SMC1B: variants seen among roughly 807,000 people sequenced by gnomAD.
The protein encoded by SMC1B is structural maintenance of chromosomes protein 1B.
Under a neutral mutation model 157.9 loss-of-function variants are expected in SMC1B, and 60 were observed. That is an observed-to-expected ratio of 0.38 (90% CI 0.31 to 0.47). The LOEUF is 0.47. Among genes scored for constraint, SMC1B ranks in the 20% least tolerant of loss-of-function variants. The probability of loss-of-function intolerance (pLI) is 0.99; values close to 1 mark genes in which losing one functional copy is unlikely to be tolerated. For synonymous variants in SMC1B, 445 were observed against 483.0 expected (o/e 0.92, Z 1.03); for missense variants, 1,165 against 1,426.2 (o/e 0.82, Z 2.95).
chr22:45,349,973 T>C lies in SMC1B; in HGVS notation c.3426-176A>G, dbSNP rs142108566. 3.9e-3 allele frequency among the ~76,000 whole-genome samples: 600 copies of C among 152,360 alleles called. 3 individuals are homozygous for C. Among genetic ancestry groups the C allele is most frequent in the Middle Eastern group, 0.014 (4 of 294 alleles). On this transcript the variant is annotated intron_variant, in intron 22 of 24. Transcript: ENST00000357450. ...GCTCAGTTATCAGTCCACATGTATG[T>C]GACCTATGCAAGGAGTATTTGGGAT...
rs777703063 is a variant in SMC1B at position 45,396,513 on chromosome 22, T to C, written c.1114-27A>G. 1.4e-5 allele frequency: 22 copies of C among 1,590,634 alleles called. No homozygotes were observed. In the South Asian group the frequency reaches 2.5e-4, roughly 18 times the overall value. On this transcript the variant is annotated intron_variant, in intron 6 of 24. Transcript: ENST00000357450. ...TGCATAAACAGTATTGAAAAATTGC[T>C]AATTCACCTTAAGAAGCATGAGAGC...
intron 19 of SMC1B, among the ~76,000 whole-genome samples, chr22:45,357,818 G>A (rs2086684011): frequency 6.6e-6 from 1 of 152,168 alleles, no homozygotes; most frequent in Non-Finnish European, 1.5e-5. Flanking sequence ...GCAATTTCCT[G>A]AGTGGTAGGA....
In SMC1B at chr22:45,406,540, C is replaced by G; in HGVS notation, c.535G>C (p.Glu179Gln). Residue 179 changes from glutamate to glutamine, a missense_variant, in exon 4 of 25, where the codon GAA becomes CAA. Transcript: ENST00000357450. ...EEKKRKLQKA[E>Q]EDAQFNFNKK... The stretch of plus-strand genomic sequence containing the variant: ...TTAAAGTTAAACTGTGCATCCTCTT[C>G]GGCTTTTTGTAACTTTCTTTTCTTT... 1 of 1,613,122 alleles carries G rather than the reference C, an allele frequency of 6.2e-7. No homozygotes were observed. The highest frequency in any genetic ancestry group is 8.5e-7 in the Non-Finnish European group (1 of 1,179,896).
chr22:45,410,057 G>A lies in SMC1B; in HGVS notation c.110-1159C>T, dbSNP rs1357394544. Among the ~76,000 whole-genome samples, 5 of 152,230 alleles carry A rather than the reference G, an allele frequency of 3.3e-5. No homozygotes were observed. The East Asian group carries it at 9.6e-4, about 29-fold the overall frequency. ...TTTCACATGTGTGGACTAGCTGCTG[G>A]AGGAATGAAGCACTGAGTGACACCA... On this transcript the variant is annotated intron_variant, in intron 1 of 24. Transcript: ENST00000357450.
chr22:45,373,033 A>C (rs1290562523), intron 12 of SMC1B, among the ~76,000 whole-genome samples: 5 of 151,868 alleles, frequency 3.3e-5, no homozygotes, highest in African/African-American at 9.7e-5. Context: ...CTTCAGATAA[A>C]CTCTTTCAAC....
chr22:45,345,627 G>A, intron 23 of SMC1B, 58 bp from the exon 24 acceptor site: 2 of 1,051,930 alleles, frequency 1.9e-6, no homozygotes, highest in Non-Finnish European at 3.0e-6. Context: ...CTGGGCTCTG[G>A]AGACAGTAAT....
chr22:45,413,336 G>T, intron 1 of SMC1B, 123 bp downstream of exon 1: 1 of 716,302 alleles, frequency 1.4e-6, no homozygotes, highest in Non-Finnish European at 2.3e-6. Flanking sequence ...GTCAGGCTCC[G>T]GGACTGGAAG....
intron 1 of SMC1B, among the ~76,000 whole-genome samples, chr22:45,411,355 T>C (rs1198603214): frequency 7.2e-5 from 11 of 152,352 alleles, no homozygotes; most frequent in African/African-American, 2.6e-4. Context: ...ATATATTGTC[T>C]GATTCTATTT....
rs1336083884 is a variant in SMC1B at position 45,406,632 on chromosome 22, G to A, written c.443C>T (p.Pro148Leu). ...GTVESISVKK[P>L]KERTQFFEEI... ...CTCAAAAAACTGGGTCCTTTCTTTG[G>A]GTTTCTTCACTGAAATTGACTCTAC... The change falls in exon 4 of 25, where the codon CCC becomes CTC. Residue 148 changes from proline (P) to leucine (L), a missense_variant. By Grantham distance (98) the Pro-to-Leu change is moderately conservative. Transcript: ENST00000357450. 6.2e-7 allele frequency: 1 copy of A among 1,612,960 alleles called. No homozygotes were observed. The highest frequency in any genetic ancestry group is 1.3e-5 in the African/African-American group (1 of 74,680).
intron 8 of SMC1B, 39 bp downstream of exon 8, chr22:45,394,646 A>G: frequency 6.7e-7 from 1 of 1,484,754 alleles, no homozygotes; most frequent in South Asian, 1.3e-5. Context: ...CAAAAAATAA[A>G]AGAAAATTGC....
At position 45,354,992 on chromosome 22, in the gene SMC1B, TC is replaced by T; in HGVS notation, c.3084del (p.Thr1029LeufsTer30). The T allele has an allele frequency of 6.2e-7, 1 of 1,614,168 alleles. No individual in the cohort carries two copies. Among genetic ancestry groups the T allele is most frequent in the South Asian group, 1.1e-5 (1 of 91,070 alleles). On this transcript the variant is annotated frameshift_variant, in exon 20 of 25. Transcript: ENST00000357450. LOFTEE classifies it high-confidence loss of function. The part of the protein sequence containing the change: ...APNLRALENL[K>X]TVRDKFQEST... ...GACTCTTGAAACTTGTCTCTGACAG[TC>T]TTTAAGTTCTCCAGTGCTCGTAGGT...
intron 9 of SMC1B, among the ~76,000 whole-genome samples, chr22:45,392,018 C>T (rs2087064700): frequency 6.6e-6 from 1 of 152,182 alleles, no homozygotes; most frequent in Non-Finnish European, 1.5e-5. Context: ...CGCAGTGGTG[C>T]TCACTGCAAC....
rs538974919 is a variant in SMC1B, at chr22:45,406,880, T to A, written c.299-15A>T. On this transcript the variant is annotated splice_polypyrimidine_tract_variant and intron_variant, in intron 2 of 24. Coordinates refer to ENST00000357450, the MANE Select transcript of SMC1B (RefSeq NM_148674.5). ...TGAGCATCCCCCTAAAATAAAAAAA[T>A]AAACCCTGTTAAAAAATATATAAAT... The A allele has an allele frequency of 1.2e-5, 18 of 1,455,862 alleles. No homozygotes were observed. Among genetic ancestry groups the A allele is most frequent in the Non-Finnish European group, 1.5e-5 (16 of 1,080,872 alleles). The allele number at this position is 1,455,862 out of a possible 1,614,324, so 90.2% of individuals were successfully genotyped here. A position where few individuals can be genotyped will look rare whatever the true frequency, so the allele number is the denominator to read the frequency against.
At chr22:45,396,678 ATTAT>A (rs71190663) in intron 6 of SMC1B, among the ~76,000 whole-genome samples, 192 bp from the exon 7 acceptor site, 42 of 151,970 alleles carry the variant, frequency 2.8e-4, no homozygotes, top group South Asian at 8.3e-4. Context: ...AAAACTGTTT[ATTAT>A]TTATTTATTT....
intron 4 of SMC1B, 49 bp from the exon 5 acceptor site, chr22:45,402,620 T>C (rs763744441): frequency 7.3e-7 from 1 of 1,364,290 alleles, no homozygotes; most frequent in Non-Finnish European, 1.0e-6. Flanking sequence ...TGTATTTAAG[T>C]TGGCCTTTCA....
At chr22:45,389,988 C>G in intron 9 of SMC1B, 91 bp from the exon 10 acceptor site, 1 of 1,068,884 alleles carries the variant, frequency 9.4e-7, no homozygotes, top group Non-Finnish European at 1.4e-6. Flanking sequence ...GTAGCGCAGA[C>G]AAAAACTAAT....
chr22:45,379,723 C>CTTTTTTTTTT (rs136583), intron 12 of SMC1B, among the ~76,000 whole-genome samples: 53 of 91,474 alleles, frequency 5.8e-4, no homozygotes, highest in African/African-American at 8.1e-4. Context: ...TTTCTTTTTA[C>CTTTTTTTTTT]TTTTTTTTTT....
intron 7 of SMC1B, among the ~76,000 whole-genome samples, chr22:45,395,466 G>A (rs539952814): frequency 6.6e-6 from 1 of 152,258 alleles, no homozygotes; most frequent in African/African-American, 2.4e-5. Context: ...GTTTACAATG[G>A]ACACAATTAG....
Position 45,393,731 on chromosome 22 carries a change from T to A in SMC1B, c.1448A>T (p.Glu483Val), listed in dbSNP as rs1188923910. ...VNEELNLIRS[E>V]LQNAGIDTHE... ...GGTATCAATCCCAGCATTCTGCAAT[T>A]CACTTCTAATAAGATTCAATTCTTC... The change falls in exon 9 of 25, where the codon GAA becomes GTA. Residue 483 changes from glutamate (E) to valine (V), a missense_variant. Transcript: ENST00000357450. 6.2e-7 allele frequency: 1 copy of A among 1,614,086 alleles called. No homozygotes were observed. The highest frequency in any genetic ancestry group is 1.7e-5 in the Admixed American group (1 of 60,022).
Sources: gnomAD v4.1 joint callset for allele counts (sites outside exome capture counted in the v4.1 genomes callset) on GRCh38, gnomAD v4.1.1 for gene constraint, MANE v1.5 for transcripts, NCBI Gene and HGNC (gene_info 2026-07-23, HGNC 2026-07-21) for gene names.